POLQ: variants seen among roughly 807,000 people sequenced by gnomAD.
POLQ encodes epididymis secretory sperm binding protein.
A neutral mutation model predicts 259.2 loss-of-function variants in POLQ; 233 were observed. The ratio of observed to expected loss-of-function variants is 0.90; its 90% CI spans 0.81 to 1.00. POLQ has a LOEUF of 1.00. POLQ is among the 50% of genes least tolerant of loss of function. The pLI, the probability that POLQ is intolerant of heterozygous loss-of-function variation, is 0.00. For missense variants in POLQ, 2,871 were observed against 3,051.6 expected, an observed-to-expected ratio of 0.94 and a Z score of 1.39; for synonymous variants, 1,025 against 1,048.8, an observed-to-expected ratio of 0.98 and a Z score of 0.44.
intron 29 of POLQ, 99 bp downstream of exon 29, chr3:121,432,819 T>A (rs905704223): frequency 1.4e-6 from 1 of 740,708 alleles, no homozygotes; most frequent in African/African-American, 1.7e-5. Flanking sequence ...AGGGCTAGGG[T>A]AGAGTTCCAA....
intron 7 of POLQ, among the ~76,000 whole-genome samples, chr3:121,525,362 AAAAG>A (rs2048366060): frequency 3.5e-5 from 1 of 28,326 alleles, no homozygotes; most frequent in Non-Finnish European, 1.1e-4. Context: ...AAGAAAACAA[AAAAG>A]AGAAAATACA....
Position 121,475,946 on chromosome 3 carries a change from A to G in POLQ, c.6405+594T>C, listed in dbSNP as rs180858024. 7.8e-3 allele frequency among the ~76,000 whole-genome samples: 1,182 copies of G among 152,230 alleles called. 10 individuals are homozygous for G. Among genetic ancestry groups the G allele is most frequent in the Non-Finnish European group, 0.011 (721 of 68,016 alleles). Reference sequence around the variant, plus strand: ...GGGATTTGAAAAGCAGATACCAAAAAGAAAAAAAAAAGGCACCACTGAATT... The same window carrying G: ...GGGATTTGAAAAGCAGATACCAAAAGGAAAAAAAAAAGGCACCACTGAATT... On this transcript the variant is annotated intron_variant, in intron 20 of 29. Transcript: ENST00000264233.
chr3:121,498,333 TGAAAAAAAAGAA>T (rs1014500908), intron 13 of POLQ, 132 bp downstream of exon 13: 3 of 510,308 alleles, frequency 5.9e-6, no homozygotes, highest in Admixed American at 7.8e-5. Context: ...AAAAAGAAAA[TGAAAAAAAAGAA>T]AACTGAAAAA....
At chr3:121,541,039 C>T (rs1484345328) in intron 3 of POLQ, among the ~76,000 whole-genome samples, 1 of 152,050 alleles carries the variant, frequency 6.6e-6, no homozygotes, top group African/African-American at 2.4e-5. Context: ...CGCCACAACA[C>T]CCAGCTAATT....
Position 121,522,006 on chromosome 3 carries a change from CATG to C in POLQ, c.1249_1251del (p.His417del), listed in dbSNP as rs2048339424. The C allele has an allele frequency of 6.4e-7, 1 of 1,564,910 alleles. No individual in the cohort carries two copies. The highest frequency in any genetic ancestry group is 1.4e-5 in the African/African-American group (1 of 71,880). ...TAACATTATAAATATGAAATACCTG[CATG>C]ATGAAATGCTACTCCCCATGGTACA... is the stretch of plus-strand genomic sequence containing the variant. On this transcript the variant is annotated inframe_deletion, in exon 8 of 30. Transcript: ENST00000264233.
intron 7 of POLQ, among the ~76,000 whole-genome samples, chr3:121,524,163 T>A (rs2048356508): frequency 6.6e-6 from 1 of 152,130 alleles, no homozygotes; most frequent in Non-Finnish European, 1.5e-5. Flanking sequence ...ATGATTCTGG[T>A]TATTAAGGAT....
chr3:121,472,029 C>A lies in POLQ; in HGVS notation c.6679G>T (p.Glu2227Ter). Residue 2227 changes from glutamate (E) to a stop codon, truncating the protein, a stop_gained, in exon 22 of 30, where the codon GAA (glutamate) becomes TAA (stop). Transcript: ENST00000264233. LOFTEE classifies it high-confidence loss of function. ...GACTGTGATACAGGATAGATTCTTT[C>A]CATTCCAAGAAAAGGATTAAGACAC... is the stretch of plus-strand genomic sequence containing the variant. ...EKCLNPFLGM[E>*]RIYPVSQSHT... 1 of 1,577,794 alleles carries A rather than the reference C, an allele frequency of 6.3e-7. No homozygotes were observed. The highest frequency in any genetic ancestry group is 8.7e-7 in the Non-Finnish European group (1 of 1,154,690).
At chr3:121,470,316 C>T (rs1177590539) in intron 22 of POLQ, among the ~76,000 whole-genome samples, 5 of 152,006 alleles carry the variant, frequency 3.3e-5, no homozygotes, top group Admixed American at 6.6e-5. Context: ...CTTTTCATCA[C>T]GGAGGATTTT....
Position 121,471,399 on chromosome 3 carries a change from A to G in POLQ, c.6718+591T>C, listed in dbSNP as rs116897268. Among the ~76,000 whole-genome samples the G allele has an allele frequency of 3.1e-4, 47 of 152,278 alleles. No homozygotes were observed. In the East Asian group the frequency reaches 7.3e-3, roughly 24 times the overall value. On this transcript the variant is annotated intron_variant, in intron 22 of 29. Transcript: ENST00000264233. ...ATATTTAATTCCTGTGTATACTCACATTGAAAGTACTGTCTCAGACATCCC... is the reference window on the plus strand; with the variant it reads ...ATATTTAATTCCTGTGTATACTCACGTTGAAAGTACTGTCTCAGACATCCC...
chr3:121,436,410 ACTATTAGG>A, intron 27 of POLQ, 135 bp from the exon 28 acceptor site: 1 of 718,812 alleles, frequency 1.4e-6, no homozygotes, highest in Admixed American at 2.5e-5. Context: ...CAGAACACCA[ACTATTAGG>A]CTGCATCCTA....
In POLQ at chr3:121,539,457, CT is replaced by C. The variant is rs1560110062; in HGVS notation, c.606del (p.Ile202MetfsTer9). Reference protein sequence around the residue: ...ERANGLINRLIEENKMDLLGM... With the variant: ...ERANGLINRLXEENKMDLLGM... ...CCTAACAGATCCATCTTATTTTCCTCTATGAGGCGATTGATCAGACCATTGG... is the reference window on the plus strand; with the variant it reads ...CCTAACAGATCCATCTTATTTTCCTCATGAGGCGATTGATCAGACCATTGG... On this transcript the variant is annotated frameshift_variant, in exon 4 of 30. Transcript: ENST00000264233. LOFTEE classifies it high-confidence loss of function. 9 of 1,608,052 alleles carry C rather than the reference CT, an allele frequency of 5.6e-6. No homozygotes were observed. The highest frequency in any genetic ancestry group is 7.6e-6 in the Non-Finnish European group (9 of 1,178,246).
At position 121,436,117 on chromosome 3, in the gene POLQ, C is replaced by A; in HGVS notation, c.7543+5G>T. ...TTACAGCACAGGCCTCATCTATGAA[C>A]AAACCTGTTTGGTCACTTTGGAGCA... On this transcript the variant is annotated splice_donor_5th_base_variant and intron_variant, in intron 28 of 29. Coordinates refer to ENST00000264233, the MANE Select transcript of POLQ (RefSeq NM_199420.4). 6.2e-7 allele frequency: 1 copy of A among 1,611,518 alleles called. No homozygotes were observed. The highest frequency in any genetic ancestry group is 8.5e-7 in the Non-Finnish European group (1 of 1,177,740).
intron 2 of POLQ, among the ~76,000 whole-genome samples, 192 bp from the exon 3 acceptor site, chr3:121,541,671 T>TA (rs2048491077): frequency 6.6e-6 from 1 of 152,166 alleles, no homozygotes; most frequent in Admixed American, 6.5e-5. Context: ...TAGTCTCAAC[T>TA]AAAAACAGAG....
Position 121,473,409 on chromosome 3 carries a change from T to G in POLQ, c.6484A>C (p.Arg2162=), listed in dbSNP as rs764428521. 4 of 1,614,058 alleles carry G rather than the reference T, an allele frequency of 2.5e-6. No homozygotes were observed. In the Admixed American group the frequency reaches 6.7e-5, roughly 27 times the overall value. Residue 2162 remains arginine, a synonymous_variant, in exon 21 of 30, where the codon AGA becomes CGA. Transcript: ENST00000264233. The part of the protein sequence containing the change: ...QGSKKTLGST[R]RGIDNGRKLR... ...TTGCGTCCATTGTCAATCCCTCTTC[T>G]GGTAGAACCCAGAGTTTTCTTGCTG...
chr3:121,512,197 A>G (rs954995274), intron 9 of POLQ, among the ~76,000 whole-genome samples, 168 bp from the exon 10 acceptor site: 1 of 152,264 alleles, frequency 6.6e-6, no homozygotes, highest in African/African-American at 2.4e-5. Flanking sequence ...GAAGGGGATC[A>G]GAATATGCCA....
intron 14 of POLQ, chr3:121,494,887 A>G: frequency 6.4e-7 from 1 of 1,572,448 alleles, no homozygotes; most frequent in Non-Finnish European, 8.6e-7. Context: ...AGGCTAAAGA[A>G]CTTGCCACTA....
chr3:121,517,131 G>C (rs1406091122), intron 9 of POLQ, among the ~76,000 whole-genome samples: 5 of 152,128 alleles, frequency 3.3e-5, no homozygotes, highest in Admixed American at 1.3e-4. Flanking sequence ...TCTGTCCCGA[G>C]AGACAATTAT....
chr3:121,518,023 A>G (rs1386190786), intron 9 of POLQ, among the ~76,000 whole-genome samples: 1 of 152,258 alleles, frequency 6.6e-6, no homozygotes, highest in Non-Finnish European at 1.5e-5. Flanking sequence ...TAAAGCTGCC[A>G]CGAACACAGA....
chr3:121,541,610 T>C (rs767104119), intron 2 of POLQ, 131 bp from the exon 3 acceptor site: 24 of 689,744 alleles, frequency 3.5e-5, no homozygotes, highest in African/African-American at 5.4e-5. Context: ...CCAATAGCAC[T>C]TAAAATCTTT....
Sources: allele counts gnomAD v4.1 joint callset (sites outside exome capture counted in the v4.1 genomes callset), GRCh38; gene constraint gnomAD v4.1.1; transcripts MANE v1.5; gene names NCBI Gene and HGNC (gene_info 2026-07-23, HGNC 2026-07-21).